Variants in PHACTR4 observed in about 807,000 individuals in gnomAD.
The protein encoded by PHACTR4 is phosphatase and actin regulator 4.
Under a neutral mutation model 72.7 loss-of-function variants are expected in PHACTR4, and 51 were observed. The ratio of observed to expected loss-of-function variants is 0.70; its 90% CI spans 0.56 to 0.89. PHACTR4 has a LOEUF of 0.89. Among genes scored for constraint, PHACTR4 ranks in the 40% least tolerant of loss-of-function variants. The pLI, the probability that PHACTR4 is intolerant of heterozygous loss-of-function variation, is 0.00. For missense variants in PHACTR4, 731 were observed against 861.8 expected (o/e 0.85, Z 1.90); for synonymous variants, 255 against 302.5 (o/e 0.84, Z 1.63).
At position 28,496,866 on chromosome 1, in the gene PHACTR4, C is replaced by G; in HGVS notation, c.*317C>G. 1 of 455,094 alleles carries G rather than the reference C, an allele frequency of 2.2e-6. No homozygotes were observed. Among genetic ancestry groups the G allele is most frequent in the South Asian group, 2.4e-5 (1 of 41,918 alleles). The allele number at this position is 455,094 out of a possible 1,614,324, so 28.2% of individuals were successfully genotyped here. ...TTTTACTGGCTGCACCACACCCCTT[C>G]CCCTAGATGACTGCCTGTGCAGAGA... On this transcript the variant is annotated 3_prime_UTR_variant, in exon 14 of 14. Transcript: ENST00000373839.
At chr1:28,459,725 A>G (rs1658664988) in intron 3 of PHACTR4, among the ~76,000 whole-genome samples, 1 of 152,098 alleles carries the variant, frequency 6.6e-6, no homozygotes, top group African/African-American at 2.4e-5. Flanking sequence ...TTAGAATTAA[A>G]CATCAAAATG....
At chr1:28,389,701 C>A (rs527377408) in intron 1 of PHACTR4, among the ~76,000 whole-genome samples, 1 of 152,218 alleles carries the variant, frequency 6.6e-6, no homozygotes, top group African/African-American at 2.4e-5. Flanking sequence ...TGGTCTTGAT[C>A]TCTTGACCTC....
intron 1 of PHACTR4, among the ~76,000 whole-genome samples, chr1:28,379,327 G>C (rs892750108): frequency 6.6e-6 from 1 of 151,380 alleles, no homozygotes; most frequent in African/African-American, 2.4e-5. Flanking sequence ...GAGTGCAGTG[G>C]TGCGACCACA....
intron 2 of PHACTR4, among the ~76,000 whole-genome samples, chr1:28,430,678 C>G (rs1338561683): frequency 6.6e-6 from 1 of 152,176 alleles, no homozygotes; most frequent in Non-Finnish European, 1.5e-5. Context: ...AGGAAAGTGA[C>G]TTCTTCCTAA....
At chr1:28,369,963 G>T in intron 1 of PHACTR4, 138 bp downstream of exon 1, 2 of 346,360 alleles carry the variant, frequency 5.8e-6, no homozygotes, top group South Asian at 2.1e-5. Flanking sequence ...GGTCGCCGTC[G>T]CTTCGGGCCA....
At chr1:28,458,360 T>C (rs78112412) in intron 2 of PHACTR4, among the ~76,000 whole-genome samples, 15,787 of 152,044 alleles carry the variant, frequency 0.1, 1,895 homozygotes, top group African/African-American at 0.3. Context: ...ACTGCCCTGG[T>C]TGATCTCAAG....
At chr1:28,465,600 GAGAA>G in intron 4 of PHACTR4, 81 bp from the exon 5 acceptor site, 8 of 1,372,514 alleles carry the variant, frequency 5.8e-6, no homozygotes, top group South Asian at 2.8e-5. Context: ...AAAAAAGAGA[GAGAA>G]AGAAAAAAAG....
intron 2 of PHACTR4, among the ~76,000 whole-genome samples, chr1:28,421,257 CAT>C (rs1256766555): frequency 1.3e-5 from 2 of 152,088 alleles, no homozygotes; most frequent in Non-Finnish European, 2.9e-5. Flanking sequence ...GGCATGTGCA[CAT>C]ATATACACAC....
chr1:28,465,168 A>G (rs972317811), intron 4 of PHACTR4, among the ~76,000 whole-genome samples: 18 of 152,080 alleles, frequency 1.2e-4, no homozygotes, highest in African/African-American at 4.3e-4. Context: ...AAGGTTAGAA[A>G]TCACCAACCC....
chr1:28,457,319 G>A, intron 2 of PHACTR4: 1 of 449,646 alleles, frequency 2.2e-6, no homozygotes, highest in African/African-American at 2.0e-5. Flanking sequence ...GAGAGGCCAG[G>A]TGTGGTGGTA....
intron 2 of PHACTR4, chr1:28,422,529 C>T (rs1387269810): frequency 6.6e-6 from 1 of 152,098 alleles, no homozygotes; most frequent in Admixed American, 6.6e-5. Flanking sequence ...GACTGTATTT[C>T]CCTTCTTTTC....
chr1:28,388,813 G>A (rs561819389), intron 1 of PHACTR4, among the ~76,000 whole-genome samples: 2 of 152,046 alleles, frequency 1.3e-5, no homozygotes, highest in African/African-American at 4.8e-5. Context: ...TCATGCCATT[G>A]TACTCCAGCC....
rs370420890 is a variant in PHACTR4, at chr1:28,422,925, T to C, written c.16+15462T>C. On this transcript the variant is annotated intron_variant, in intron 2 of 13. Transcript: ENST00000373839. ...CCTCAGCCTCCCAAGTAGCTGGGAC[T>C]ACCGGCGCATGCCACTGCGCCCAGC... Among the ~76,000 whole-genome samples the C allele has an allele frequency of 9.1e-4, 138 of 152,352 alleles. 1 individual carries two copies. The highest frequency in any genetic ancestry group is 3.2e-3 in the African/African-American group (133 of 41,586).
intron 1 of PHACTR4, among the ~76,000 whole-genome samples, chr1:28,380,931 T>C (rs1025816392): frequency 6.6e-6 from 1 of 152,124 alleles, no homozygotes; most frequent in African/African-American, 2.4e-5. Context: ...TCCACAATAG[T>C]TGAACTAATT....
chr1:28,421,400 T>G (rs35665752), intron 2 of PHACTR4, among the ~76,000 whole-genome samples: 10,200 of 152,040 alleles, frequency 0.067, 429 homozygotes, highest in South Asian at 0.13. Context: ...TTTGTTTTTT[T>G]TTTTTTGATT....
intron 1 of PHACTR4, among the ~76,000 whole-genome samples, chr1:28,398,786 T>G (rs1175614718): frequency 6.6e-6 from 1 of 151,790 alleles, no homozygotes; most frequent in Non-Finnish European, 1.5e-5. Flanking sequence ...GCTACTGCAC[T>G]CCAGCCTGGG....
intron 7 of PHACTR4, among the ~76,000 whole-genome samples, chr1:28,474,478 G>T (rs1419494281): frequency 2.0e-5 from 3 of 149,684 alleles, no homozygotes; most frequent in Non-Finnish European, 4.4e-5. Context: ...AGCCAAGACT[G>T]TGCCACTGTA....
At chr1:28,377,487 G>A (rs972289274) in intron 1 of PHACTR4, among the ~76,000 whole-genome samples, 16 of 150,356 alleles carry the variant, frequency 1.1e-4, no homozygotes, top group African/African-American at 2.7e-4. Context: ...TGATCCGCCC[G>A]CCTCAGCCTC....
intron 2 of PHACTR4, among the ~76,000 whole-genome samples, chr1:28,428,215 T>A (rs1655997933): frequency 6.6e-6 from 1 of 152,212 alleles, no homozygotes; most frequent in Admixed American, 6.5e-5. Context: ...CCACAACATA[T>A]GAACCTTTTG....
Sources: allele counts gnomAD v4.1 joint callset (sites outside exome capture counted in the v4.1 genomes callset), GRCh38; gene constraint gnomAD v4.1.1; transcripts MANE v1.5; gene names NCBI Gene and HGNC (gene_info 2026-07-23, HGNC 2026-07-21).